Variants in ABCC1 observed in about 807,000 individuals in gnomAD.
The protein encoded by ABCC1 is ATP binding cassette subfamily C member 1 (ABCC1 blood group), also known as multidrug resistance-associated protein 1.
Under a neutral mutation model 172.9 loss-of-function variants are expected in ABCC1, and 83 were observed. That is an observed-to-expected ratio of 0.48 (90% confidence interval 0.40 to 0.58). The LOEUF (loss-of-function observed/expected upper bound fraction) is 0.58, where lower values mean the gene tolerates loss of function less well. ABCC1 is among the 20% of genes least tolerant of loss of function. The probability of loss-of-function intolerance (pLI) is 0.00; values close to 1 mark genes in which losing one functional copy is unlikely to be tolerated. For missense variants in ABCC1, 1,817 were observed against 2,002.7 expected (o/e 0.91, Z 1.77); for synonymous variants, 937 against 825.2 (o/e 1.14, Z -2.32).
At chr16:16,085,329 C>G (rs1358543978) in intron 17 of ABCC1, among the ~76,000 whole-genome samples, 7 of 152,228 alleles carry the variant, frequency 4.6e-5, no homozygotes. Flanking sequence ...TCTGGCACCC[C>G]ATGGTGGTCG....
intron 5 of ABCC1, among the ~76,000 whole-genome samples, chr16:16,021,088 G>A (rs553269871): frequency 1.2e-4 from 18 of 152,276 alleles, no homozygotes; most frequent in African/African-American, 3.8e-4. Flanking sequence ...CAGGCACACG[G>A]TGGGCCTGTA....
At chr16:16,103,745 T>C (rs917894743) in intron 20 of ABCC1, among the ~76,000 whole-genome samples, 2 of 152,190 alleles carry the variant, frequency 1.3e-5, no homozygotes, top group Non-Finnish European at 1.5e-5. Flanking sequence ...CCATGCGGCA[T>C]AGCACGGTGC....
intron 28 of ABCC1, among the ~76,000 whole-genome samples, 174 bp from the exon 29 acceptor site, chr16:16,136,304 G>T (rs756473591): frequency 6.6e-6 from 1 of 152,218 alleles, no homozygotes; most frequent in South Asian, 2.1e-4. Context: ...GATTACAGGC[G>T]TGAACCACCG....
intron 8 of ABCC1, 77 bp downstream of exon 8, chr16:16,044,757 C>T: frequency 7.3e-7 from 1 of 1,373,512 alleles, no homozygotes; most frequent in East Asian, 2.3e-5. Flanking sequence ...AGTCATAACC[C>T]TGGGGTCATG....
intron 8 of ABCC1, among the ~76,000 whole-genome samples, chr16:16,045,485 C>T (rs1227906915): frequency 6.6e-6 from 1 of 151,952 alleles, no homozygotes; most frequent in African/African-American, 2.4e-5. Flanking sequence ...TGCCTCTCTC[C>T]TACCTGGCTC....
chr16:16,013,129 C>T (rs2047855907), intron 3 of ABCC1, among the ~76,000 whole-genome samples: 1 of 152,174 alleles, frequency 6.6e-6, no homozygotes, highest in East Asian at 1.9e-4. Context: ...TCCTCAGCCT[C>T]TCTTTATCTA....
At chr16:16,012,012 G>C (rs1015136304) in intron 3 of ABCC1, among the ~76,000 whole-genome samples, 2 of 152,092 alleles carry the variant, frequency 1.3e-5, no homozygotes, top group African/African-American at 4.8e-5. Flanking sequence ...ATGTTGCCCA[G>C]GCTGGCCTCA....
At chr16:16,047,859 C>T (rs2049278303) in intron 9 of ABCC1, among the ~76,000 whole-genome samples, 2 of 150,632 alleles carry the variant, frequency 1.3e-5, no homozygotes, top group South Asian at 4.2e-4. Context: ...AACCCGGCCG[C>T]ATGTGTGCAC....
chr16:16,024,536 A>G (rs548751608), intron 5 of ABCC1, among the ~76,000 whole-genome samples: 9 of 152,176 alleles, frequency 5.9e-5, no homozygotes, highest in African/African-American at 2.2e-4. Flanking sequence ...TGTTTTTGGT[A>G]GAGATGGGGT....
chr16:16,003,028 C>A (rs2047374560), intron 1 of ABCC1, among the ~76,000 whole-genome samples: 1 of 152,052 alleles, frequency 6.6e-6, no homozygotes, highest in Non-Finnish European at 1.5e-5. Context: ...AAATATATTA[C>A]CTATTAAAAA....
At chr16:16,139,611 C>CAAAAAAAAAAAAAAAAAAA (rs386384360) in intron 30 of ABCC1, among the ~76,000 whole-genome samples, 1 of 57,348 alleles carries the variant, frequency 1.7e-5, no homozygotes, top group East Asian at 6.1e-4. Context: ...GACTCCATCT[C>CAAAAAAAAAAAAAAAAAAA]AAAAAAAAAA....
rs1434815110 is a variant in ABCC1 at position 15,973,328 on chromosome 16, A to G, written c.48+23529A>G. ...TTTTGTCTCCAGGGGACATTTGGCA[A>G]TGTCTGGAAACATTTTTGGCTGTCA... On this transcript the variant is annotated intron_variant, in intron 1 of 30. Transcript: ENST00000399410. Among the ~76,000 whole-genome samples the G allele has an allele frequency of 2.0e-5, 3 of 152,112 alleles. No individual in the cohort carries two copies. In the East Asian group the frequency reaches 5.8e-4, roughly 29 times the overall value.
chr16:16,001,059 T>G (rs1267656435), intron 1 of ABCC1, among the ~76,000 whole-genome samples: 1 of 152,174 alleles, frequency 6.6e-6, no homozygotes, highest in African/African-American at 2.4e-5. Context: ...GTCTAGAACA[T>G]TATCTGACAA....
At chr16:16,137,415 C>G (rs933279417) in intron 29 of ABCC1, among the ~76,000 whole-genome samples, 2 of 152,162 alleles carry the variant, frequency 1.3e-5, no homozygotes, top group Non-Finnish European at 2.9e-5. Flanking sequence ...GCCCCTATTG[C>G]ATCTAACAGT....
intron 21 of ABCC1, among the ~76,000 whole-genome samples, chr16:16,107,809 A>ATG (rs1027730394): frequency 6.6e-6 from 1 of 151,928 alleles, no homozygotes; most frequent in African/African-American, 2.4e-5. Flanking sequence ...TTAAAAATAA[A>ATG]TGTGGTTTTT....
At chr16:16,110,798 G>A (rs967910000) in intron 21 of ABCC1, among the ~76,000 whole-genome samples, 7 of 152,168 alleles carry the variant, frequency 4.6e-5, no homozygotes, top group African/African-American at 1.4e-4. Flanking sequence ...ATTGTGCACC[G>A]TTTACAGCCC....
At chr16:16,109,703 A>G (rs2052303744) in intron 21 of ABCC1, among the ~76,000 whole-genome samples, 1 of 151,944 alleles carries the variant, frequency 6.6e-6, no homozygotes, top group Non-Finnish European at 1.5e-5. Flanking sequence ...TCCAACCTTC[A>G]CCTCCTGGAG....
At chr16:16,097,664 G>T (rs1246345118) in intron 19 of ABCC1, among the ~76,000 whole-genome samples, 1 of 152,224 alleles carries the variant, frequency 6.6e-6, no homozygotes, top group African/African-American at 2.4e-5. Context: ...AGCTTTGTCA[G>T]TCCTGCCTAT....
At chr16:16,126,320 A>G (rs902824825) in intron 26 of ABCC1, among the ~76,000 whole-genome samples, 4 of 152,186 alleles carry the variant, frequency 2.6e-5, no homozygotes, top group Non-Finnish European at 4.4e-5. Flanking sequence ...AGCAGCCCTC[A>G]CACTTGGAGT....
Sources: gnomAD v4.1 joint callset for allele counts (sites outside exome capture counted in the v4.1 genomes callset) on GRCh38, gnomAD v4.1.1 for gene constraint, MANE v1.5 for transcripts, NCBI Gene and HGNC (gene_info 2026-07-23, HGNC 2026-07-21) for gene names.